The following GALNT13 variants were observed in gnomAD, a reference collection of about 807,000 sequenced individuals.
GALNT13 encodes polypeptide N-acetylgalactosaminyltransferase 13, also known as UDP-GalNAc:polypeptide N-acetylgalactosaminyltransferase 13.
GALNT13 carries 28 observed loss-of-function variants against 64.2 expected under a neutral mutation model. That is an observed-to-expected ratio of 0.44 (90% confidence interval 0.32 to 0.60). The LOEUF is 0.60. Ranked by LOEUF, GALNT13 falls within the 20% of genes least tolerant of loss-of-function variation. The pLI is 0.05. For synonymous variants in GALNT13, 214 were observed against 224.6 expected, an observed-to-expected ratio of 0.95 and a Z score of 0.42; for missense variants, 577 against 669.8, an observed-to-expected ratio of 0.86 and a Z score of 1.53.
intron 7 of GALNT13, among the ~76,000 whole-genome samples, chr2:154,254,089 T>A (rs2105893280): frequency 6.6e-6 from 1 of 152,228 alleles, no homozygotes; most frequent in South Asian, 2.1e-4. Context: ...CTAGAGTGTA[T>A]AACATTTGTA....
chr2:154,395,078 C>T (rs930873736), intron 9 of GALNT13, among the ~76,000 whole-genome samples: 5 of 152,122 alleles, frequency 3.3e-5, no homozygotes, highest in Non-Finnish European at 5.9e-5. Context: ...ATCCTAAATA[C>T]TAGGCCATTT....
chr2:153,127,745 G>T, the GALNT13 span, among the ~76,000 whole-genome samples: 1 of 152,044 alleles, frequency 6.6e-6, no homozygotes, highest in African/African-American at 2.4e-5. Flanking sequence ...GCCACTTCTT[G>T]ATCTATGCTC....
intron 1 of GALNT13, among the ~76,000 whole-genome samples, chr2:153,881,262 A>G (rs1027112320): frequency 6.6e-6 from 1 of 152,174 alleles, no homozygotes; most frequent in South Asian, 2.1e-4. Flanking sequence ...TAAAAATAAA[A>G]CAACCAATAT....
At chr2:153,596,340 A>G in the GALNT13 span, among the ~76,000 whole-genome samples, 2 of 152,170 alleles carry the variant, frequency 1.3e-5, no homozygotes, top group Non-Finnish European at 2.9e-5. Context: ...CAAAAACTCC[A>G]CTTCTTAATG....
intron 1 of GALNT13, among the ~76,000 whole-genome samples, chr2:153,895,896 T>C (rs1316541657): frequency 6.6e-6 from 1 of 151,012 alleles, no homozygotes; most frequent in Admixed American, 6.6e-5. Flanking sequence ...TGGCATGCCA[T>C]AGCAACAGGA....
chr2:154,203,496 A>G (rs776567275), intron 4 of GALNT13, among the ~76,000 whole-genome samples: 12 of 152,100 alleles, frequency 7.9e-5, no homozygotes, highest in Non-Finnish European at 1.5e-4. Context: ...TAGATTTTTA[A>G]TGACAATTTT....
At chr2:153,504,937 G>A in the GALNT13 span, among the ~76,000 whole-genome samples, 12 of 152,194 alleles carry the variant, frequency 7.9e-5, no homozygotes, top group East Asian at 3.9e-4. Flanking sequence ...CTCTCCTGTC[G>A]AATAGTGTCA....
chr2:153,630,521 A>G, the GALNT13 span, among the ~76,000 whole-genome samples: 3 of 103,500 alleles, frequency 2.9e-5, no homozygotes, highest in East Asian at 7.2e-4. Flanking sequence ...GGGGGGAGGG[A>G]TAGCATTGGG....
At chr2:154,286,584 G>T in intron 8 of GALNT13, 1 of 212,412 alleles carries the variant, frequency 4.7e-6, no homozygotes, top group Non-Finnish European at 9.4e-6. Flanking sequence ...CCAGCAGAAG[G>T]AAACATGGCT....
chr2:153,594,956 C>T, the GALNT13 span, among the ~76,000 whole-genome samples: 1 of 151,990 alleles, frequency 6.6e-6, no homozygotes, highest in Non-Finnish European at 1.5e-5. Flanking sequence ...ATCAAAATTA[C>T]AGTCTCAGGA....
intron 3 of GALNT13, among the ~76,000 whole-genome samples, chr2:154,059,543 C>A (rs1225170171): frequency 6.6e-6 from 1 of 152,060 alleles, no homozygotes; most frequent in Non-Finnish European, 1.5e-5. Context: ...TTAAGCTATT[C>A]TGTAAAATCT....
chr2:153,142,759 G>A, the GALNT13 span, among the ~76,000 whole-genome samples: 1 of 151,918 alleles, frequency 6.6e-6, no homozygotes, highest in African/African-American at 2.4e-5. Flanking sequence ...AGTGAAGTTA[G>A]CCTGACAAGG....
chr2:153,452,217 T>C, the GALNT13 span, among the ~76,000 whole-genome samples: 1 of 152,240 alleles, frequency 6.6e-6, no homozygotes, highest in Non-Finnish European at 1.5e-5. Context: ...AAGAATATGC[T>C]TATTTTCCTG....
intron 4 of GALNT13, among the ~76,000 whole-genome samples, chr2:154,165,734 A>T (rs1684986090): frequency 6.6e-6 from 1 of 152,212 alleles, no homozygotes; most frequent in South Asian, 2.1e-4. Flanking sequence ...AAGGATTACC[A>T]AAGGGCACTG....
At chr2:153,250,690 A>G in the GALNT13 span, among the ~76,000 whole-genome samples, 1 of 152,202 alleles carries the variant, frequency 6.6e-6, no homozygotes, top group Non-Finnish European at 1.5e-5. Context: ...ACCATGAAAT[A>G]TTATACAGCC....
the GALNT13 span, among the ~76,000 whole-genome samples, chr2:153,698,591 A>G: frequency 1.3e-5 from 2 of 152,170 alleles, no homozygotes; most frequent in African/African-American, 4.8e-5. Flanking sequence ...GATTCATAAA[A>G]CAAGCTCTTA....
chr2:154,021,104 C>G (rs1697444417), intron 3 of GALNT13, among the ~76,000 whole-genome samples: 2 of 152,088 alleles, frequency 1.3e-5, no homozygotes, highest in African/African-American at 4.8e-5. Context: ...GTTACTGTAG[C>G]CTTGTAGTAT....
the GALNT13 span, among the ~76,000 whole-genome samples, chr2:153,736,528 T>G: frequency 1.3e-4 from 20 of 152,204 alleles, no homozygotes; most frequent in African/African-American, 4.8e-4. Flanking sequence ...CAGTTCCTTG[T>G]GCCCTGTCAA....
At chr2:153,202,008 C>G in the GALNT13 span, among the ~76,000 whole-genome samples, 1 of 123,348 alleles carries the variant, frequency 8.1e-6, no homozygotes, top group Non-Finnish European at 1.6e-5. Context: ...GACGGAGTTT[C>G]GCTCTGTCGC....
Sources: gnomAD v4.1 joint callset for allele counts (sites outside exome capture counted in the v4.1 genomes callset) on GRCh38, gnomAD v4.1.1 for gene constraint, MANE v1.5 for transcripts, NCBI Gene and HGNC (gene_info 2026-07-23, HGNC 2026-07-21) for gene names.